CDK14: variants seen among roughly 807,000 people sequenced by gnomAD.
The protein encoded by CDK14 is cyclin dependent kinase 14.
CDK14 carries 34 observed loss-of-function variants against 60.7 expected under a neutral mutation model. That is an observed-to-expected ratio of 0.56 (90% CI 0.43 to 0.75). The LOEUF is 0.75. CDK14 is among the 30% of genes least tolerant of loss of function. The pLI, the probability that CDK14 is intolerant of heterozygous loss-of-function variation, is 0.00. For missense variants in CDK14, 482 were observed against 564.1 expected, an observed-to-expected ratio of 0.85 and a Z score of 1.47; for synonymous variants, 197 against 203.7, an observed-to-expected ratio of 0.97 and a Z score of 0.28.
intron 2 of CDK14, among the ~76,000 whole-genome samples, chr7:90,614,671 C>T (rs1799613488): frequency 6.6e-6 from 1 of 151,954 alleles, no homozygotes; most frequent in Non-Finnish European, 1.5e-5. Context: ...TGGTCTTGAA[C>T]TCCTGGGCTC....
chr7:90,932,118 C>A (rs1793610984), intron 8 of CDK14, among the ~76,000 whole-genome samples: 1 of 152,156 alleles, frequency 6.6e-6, no homozygotes, highest in African/African-American at 2.4e-5. Context: ...TCCACTTTTG[C>A]ACATGTTCTG....
chr7:90,685,379 T>A (rs916366258), intron 2 of CDK14, among the ~76,000 whole-genome samples: 1 of 152,190 alleles, frequency 6.6e-6, no homozygotes, highest in African/African-American at 2.4e-5. Context: ...AATGTGCTTA[T>A]CATACAGTTA....
chr7:90,740,771 T>C (rs1205732539), intron 3 of CDK14, among the ~76,000 whole-genome samples: 1 of 152,352 alleles, frequency 6.6e-6, no homozygotes, highest in East Asian at 1.9e-4. Context: ...ACTGTTAATT[T>C]GTTTTCTCAT....
chr7:91,087,979 T>C (rs554910523), intron 12 of CDK14, among the ~76,000 whole-genome samples: 192 of 152,308 alleles, frequency 1.3e-3, no homozygotes, highest in South Asian at 5.6e-3. Flanking sequence ...CAAATTAGAT[T>C]GAAAGAAACC....
rs146990630 is a variant in CDK14, at chr7:90,630,444, G to A, written c.123+26195G>A. 1.5e-3 allele frequency among the ~76,000 whole-genome samples: 227 copies of A among 152,254 alleles called. 1 individual carries two copies. Among genetic ancestry groups the A allele is most frequent in the African/African-American group, 5.2e-3 (214 of 41,548 alleles). On this transcript the variant is annotated intron_variant, in intron 2 of 14. Transcript: ENST00000380050. ...TAAAATATGATAATATAATCTTATGGGACCAGAATTATATATGAAGTTTTT... is the reference window on the plus strand; with the variant it reads ...TAAAATATGATAATATAATCTTATGAGACCAGAATTATATATGAAGTTTTT...
At chr7:90,802,858 G>T (rs888229053) in intron 5 of CDK14, among the ~76,000 whole-genome samples, 1 of 152,150 alleles carries the variant, frequency 6.6e-6, no homozygotes, top group Admixed American at 6.6e-5. Context: ...ATCAAGAAGA[G>T]TTATCATCTC....
intron 8 of CDK14, among the ~76,000 whole-genome samples, chr7:90,933,335 G>T (rs1341712782): frequency 1.3e-5 from 2 of 152,032 alleles, no homozygotes; most frequent in East Asian, 3.9e-4. Flanking sequence ...CTACCTTAGG[G>T]TGTAAAGATT....
rs950708039 is a variant in CDK14 at position 90,901,935 on chromosome 7, A to G, written c.702+2582A>G. Among the ~76,000 whole-genome samples, 8 of 152,226 alleles carry G rather than the reference A, an allele frequency of 5.3e-5. 1 individual carries two copies. The East Asian group carries it at 1.5e-3, about 29-fold the overall frequency. On this transcript the variant is annotated intron_variant, in intron 7 of 14. Transcript: ENST00000380050. ...CGTAAAGTTGCAGGATACAAAATCA[A>G]CATATAAAAATTTGTAGTATTTCTT...
Position 90,879,468 on chromosome 7 carries a change from A to G in CDK14, c.639+16199A>G, listed in dbSNP as rs553766392. On this transcript the variant is annotated intron_variant, in intron 6 of 14. Transcript: ENST00000380050. ...TGGGGAGAGGACAAGATGGCCTACT[A>G]GAAGCAGCGGTGATTGGAGGCTCCC... Among the ~76,000 whole-genome samples the G allele has an allele frequency of 4.6e-5, 7 of 152,326 alleles. No individual in the cohort carries two copies. The East Asian group carries it at 9.7e-4, about 21-fold the overall frequency.
rs187415328 is a variant in CDK14, at chr7:90,795,916, G to A, written c.544+5264G>A. ...GTGACAAGCAGGCCCATCAGTGGGA[G>A]GTTCAAGGGAAGAAGCAAGTAGGAT... On this transcript the variant is annotated intron_variant, in intron 5 of 14. Transcript: ENST00000380050. 2.0e-3 allele frequency among the ~76,000 whole-genome samples: 312 copies of A among 152,278 alleles called. 3 individuals carry two copies. The highest frequency in any genetic ancestry group is 3.5e-3 in the Non-Finnish European group (237 of 68,030).
intron 2 of CDK14, among the ~76,000 whole-genome samples, chr7:90,702,481 C>T (rs561548906): frequency 3.3e-5 from 5 of 152,030 alleles, no homozygotes; most frequent in Admixed American, 2.0e-4. Flanking sequence ...TATTGAAGAG[C>T]GATGCACACA....
chr7:91,125,437 A>C (rs931905671), intron 14 of CDK14, among the ~76,000 whole-genome samples: 1 of 152,216 alleles, frequency 6.6e-6, no homozygotes, highest in African/African-American at 2.4e-5. Flanking sequence ...GCTTCTGTGA[A>C]TAAAGCTTTT....
chr7:90,726,581 G>C lies in CDK14; in HGVS notation c.138G>C (p.Lys46Asn), dbSNP rs973588185. ...DTTFDEICVT[K>N]MSTRNCQGMD... ...TCTTTTCTCAGATATGTGTCACAAA[G>C]ATGTCTACACGGAACTGCCAGGGAA... The change falls in exon 3 of 15, where the codon AAG becomes AAC. Residue 46 changes from lysine (K) to asparagine (N), a missense_variant. Physicochemically the swap from Lys to Asn is moderately conservative, Grantham distance 94. Transcript: ENST00000380050. 1 of 1,613,252 alleles carries C rather than the reference G, an allele frequency of 6.2e-7. No homozygotes were observed. Among genetic ancestry groups the C allele is most frequent in the Non-Finnish European group, 8.5e-7 (1 of 1,179,604 alleles).
rs973957306 is a variant in CDK14, at chr7:90,747,086, C to T, written c.370-595C>T. On this transcript the variant is annotated intron_variant, in intron 3 of 14. Coordinates refer to ENST00000380050, the MANE Select transcript of CDK14 (RefSeq NM_001287135.2). ...GAAACAATATGCAGGTGAATGACCA[C>T]GACTGTGTTTCAGTAAAACTTTATG... Among the ~76,000 whole-genome samples, 14 of 152,268 alleles carry T rather than the reference C, an allele frequency of 9.2e-5. No individual in the cohort carries two copies. In the South Asian group the frequency reaches 1.0e-3, roughly 11 times the overall value.
intron 5 of CDK14, among the ~76,000 whole-genome samples, chr7:90,846,866 C>G (rs1275020572): frequency 6.6e-6 from 1 of 152,186 alleles, no homozygotes; most frequent in African/African-American, 2.4e-5. Flanking sequence ...TCACCCCACT[C>G]TCCTTCCTCC....
chr7:90,627,910 A>G (rs1799909621), intron 2 of CDK14, among the ~76,000 whole-genome samples: 1 of 152,214 alleles, frequency 6.6e-6, no homozygotes, highest in Admixed American at 6.5e-5. Flanking sequence ...TCTACTGCAA[A>G]GCTGTGAATG....
chr7:91,123,760 T>C (rs2116399278), intron 14 of CDK14, among the ~76,000 whole-genome samples: 1 of 152,220 alleles, frequency 6.6e-6, no homozygotes, highest in Admixed American at 6.5e-5. Context: ...TGATCTGTAC[T>C]GTGCACCACT....
At chr7:90,976,640 G>A (rs2115585071) in intron 9 of CDK14, among the ~76,000 whole-genome samples, 1 of 152,104 alleles carries the variant, frequency 6.6e-6, no homozygotes, top group East Asian at 1.9e-4. Flanking sequence ...TGGGATTACA[G>A]GTAATCAACC....
intron 14 of CDK14, among the ~76,000 whole-genome samples, chr7:91,124,746 A>G (rs1799891340): frequency 6.6e-6 from 1 of 152,340 alleles, no homozygotes; most frequent in South Asian, 2.1e-4. Flanking sequence ...AGCCAGCAGC[A>G]TAATATGAGT....
Sources: allele counts gnomAD v4.1 joint callset (sites outside exome capture counted in the v4.1 genomes callset), GRCh38; gene constraint gnomAD v4.1.1; transcripts MANE v1.5; gene names NCBI Gene and HGNC (gene_info 2026-07-23, HGNC 2026-07-21).